SEMA5A: variants seen among roughly 807,000 people sequenced by gnomAD.
SEMA5A encodes the protein semaphorin-5A.
SEMA5A carries 55 observed loss-of-function variants against 135.5 expected under a neutral mutation model. That is an observed-to-expected ratio of 0.41 (90% CI 0.33 to 0.51). The LOEUF is 0.51. Ranked by LOEUF, SEMA5A falls within the 20% of genes least tolerant of loss-of-function variation. The pLI is 0.37. For missense variants in SEMA5A, 1,290 were observed against 1,419.9 expected (o/e 0.91, Z 1.47); for synonymous variants, 580 against 546.5 (o/e 1.06, Z -0.85).
intron 5 of SEMA5A, among the ~76,000 whole-genome samples, chr5:9,309,053 A>G (rs903022508): frequency 6.6e-6 from 1 of 152,182 alleles, no homozygotes; most frequent in African/African-American, 2.4e-5. Context: ...TAAGCAAGAC[A>G]GAAGAAAGAG....
At chr5:9,348,004 C>G (rs1440449902) in intron 3 of SEMA5A, among the ~76,000 whole-genome samples, 1 of 152,086 alleles carries the variant, frequency 6.6e-6, no homozygotes. Context: ...CAGGCCATAC[C>G]ACAAATAACT....
intron 12 of SEMA5A, among the ~76,000 whole-genome samples, chr5:9,138,893 AAT>A: frequency 6.6e-6 from 1 of 152,346 alleles, no homozygotes; most frequent in East Asian, 1.9e-4. Flanking sequence ...CACTTAGAAT[AAT>A]AGTCTCCAAT....
intron 12 of SEMA5A, among the ~76,000 whole-genome samples, chr5:9,154,168 C>G (rs1742825186): frequency 6.9e-6 from 1 of 143,994 alleles, no homozygotes; most frequent in Non-Finnish European, 1.5e-5. Flanking sequence ...TAAGCTTGTG[C>G]CAGATTAACA....
At chr5:9,157,269 C>A (rs1159232243) in intron 11 of SEMA5A, among the ~76,000 whole-genome samples, 1 of 152,194 alleles carries the variant, frequency 6.6e-6, no homozygotes, top group Non-Finnish European at 1.5e-5. Flanking sequence ...TTGGTCACAG[C>A]CTTCTCATCC....
intron 8 of SEMA5A, among the ~76,000 whole-genome samples, chr5:9,220,888 G>A (rs1746910254): frequency 6.6e-6 from 1 of 152,184 alleles, no homozygotes; most frequent in Non-Finnish European, 1.5e-5. Context: ...ATGGTGGGAT[G>A]CAAAGGGCAG....
chr5:9,466,041 G>GGCCT (rs1561275989), intron 1 of SEMA5A, among the ~76,000 whole-genome samples: 1 of 152,138 alleles, frequency 6.6e-6, no homozygotes, highest in East Asian at 1.9e-4. Flanking sequence ...TGACCAAGAA[G>GGCCT]GCCTTAACAT....
chr5:9,062,738 A>T, intron 18 of SEMA5A, 149 bp downstream of exon 18: 2 of 788,820 alleles, frequency 2.5e-6, no homozygotes, highest in Non-Finnish European at 4.1e-6. Flanking sequence ...TGGGATTACC[A>T]GCATGAGCAA....
chr5:9,364,139 C>T (rs955741700), intron 3 of SEMA5A, among the ~76,000 whole-genome samples: 2 of 152,150 alleles, frequency 1.3e-5, no homozygotes, highest in African/African-American at 4.8e-5. Flanking sequence ...TTATAGCAGG[C>T]ATCTTTAACA....
intron 5 of SEMA5A, among the ~76,000 whole-genome samples, chr5:9,238,967 A>G (rs1461620520): frequency 2.6e-5 from 4 of 152,184 alleles, no homozygotes; most frequent in African/African-American, 9.7e-5. Context: ...AAGGAAAATA[A>G]TGGCTTCACC....
At chr5:9,082,444 C>A (rs926754908) in intron 16 of SEMA5A, among the ~76,000 whole-genome samples, 3 of 152,120 alleles carry the variant, frequency 2.0e-5, no homozygotes, top group Non-Finnish European at 4.4e-5. Flanking sequence ...AAACAATTTT[C>A]TTCTCTGAGT....
intron 1 of SEMA5A, among the ~76,000 whole-genome samples, chr5:9,498,968 A>G (rs183995276): frequency 6.6e-6 from 1 of 152,244 alleles, no homozygotes; most frequent in Non-Finnish European, 1.5e-5. Context: ...GCAAGCTATA[A>G]GGAACGTAAT....
intron 7 of SEMA5A, among the ~76,000 whole-genome samples, chr5:9,226,144 T>C (rs1747298226): frequency 6.6e-6 from 1 of 152,222 alleles, no homozygotes; most frequent in African/African-American, 2.4e-5. Flanking sequence ...AATAACTGAA[T>C]GCTAACCTGA....
chr5:9,538,315 C>T (rs1737890435), intron 1 of SEMA5A, among the ~76,000 whole-genome samples: 1 of 152,136 alleles, frequency 6.6e-6, no homozygotes, highest in Non-Finnish European at 1.5e-5. Flanking sequence ...CCTTTAAATA[C>T]TCAGGCTCTG....
At chr5:9,540,431 T>TA (rs1340629877) in intron 1 of SEMA5A, among the ~76,000 whole-genome samples, 1 of 35,214 alleles carries the variant, frequency 2.8e-5, no homozygotes, top group Non-Finnish European at 6.4e-5. Context: ...CTACTAAAAA[T>TA]TCAAAAAAAA....
chr5:9,379,987 A>C lies in SEMA5A; in HGVS notation c.-41T>G. On this transcript the variant is annotated 5_prime_UTR_variant, in exon 3 of 23. Coordinates refer to ENST00000382496, the MANE Select transcript of SEMA5A (RefSeq NM_003966.3). ...TCTGACTCTGGGCACGTGTCTTCTA[A>C]ACAGAAGCTCTTCTTCTCCTCATGT... 1 of 1,574,718 alleles carries C rather than the reference A, an allele frequency of 6.4e-7. No individual in the cohort carries two copies. The highest frequency in any genetic ancestry group is 8.6e-7 in the Non-Finnish European group (1 of 1,158,826).
intron 5 of SEMA5A, among the ~76,000 whole-genome samples, chr5:9,289,018 C>T (rs1001187762): frequency 8.5e-5 from 13 of 152,132 alleles, no homozygotes; most frequent in African/African-American, 3.1e-4. Context: ...ATGGTTTAAG[C>T]CTATTAGAGA....
intron 16 of SEMA5A, among the ~76,000 whole-genome samples, chr5:9,106,667 CAA>C (rs1739933066): frequency 6.6e-6 from 1 of 152,108 alleles, no homozygotes; most frequent in African/African-American, 2.4e-5. Flanking sequence ...CAGCAAAATA[CAA>C]AGTTATCCCA....
At chr5:9,151,803 G>A (rs1011567073) in intron 12 of SEMA5A, among the ~76,000 whole-genome samples, 4 of 152,204 alleles carry the variant, frequency 2.6e-5, no homozygotes, top group African/African-American at 9.7e-5. Flanking sequence ...ATTTCTTACT[G>A]CTTCTCTCAG....
At chr5:9,182,720 C>T (rs1361696966) in intron 11 of SEMA5A, among the ~76,000 whole-genome samples, 4 of 150,922 alleles carry the variant, frequency 2.7e-5, no homozygotes, top group Non-Finnish European at 5.9e-5. Context: ...ATCTAGAATG[C>T]CTGCTTATTT....
Sources: gnomAD v4.1 joint callset for allele counts (sites outside exome capture counted in the v4.1 genomes callset) on GRCh38, gnomAD v4.1.1 for gene constraint, MANE v1.5 for transcripts, NCBI Gene and HGNC (gene_info 2026-07-23, HGNC 2026-07-21) for gene names.